KCNT2: variants seen among roughly 807,000 people sequenced by gnomAD.
KCNT2 encodes the protein potassium channel subfamily T member 2.
In KCNT2, 67 loss-of-function variants were observed where a neutral mutation model predicts 153.8. The observed-to-expected ratio is 0.44, with a 90% CI of 0.36 to 0.53. The LOEUF is 0.53. Among genes scored for constraint, KCNT2 ranks in the 20% least tolerant of loss-of-function variants. KCNT2 has a pLI of 0.00. For missense variants in KCNT2, 975 were observed against 1,354.8 expected (o/e 0.72, Z 4.40); for synonymous variants, 500 against 458.8 (o/e 1.09, Z -1.15).
chr1:196,311,889 A>G (rs751088751), intron 21 of KCNT2, among the ~76,000 whole-genome samples: 2 of 151,872 alleles, frequency 1.3e-5, no homozygotes, highest in Non-Finnish European at 2.9e-5. Flanking sequence ...AATTTGACAT[A>G]GACTTTTTAC....
chr1:196,366,567 T>C (rs79526215), intron 14 of KCNT2, among the ~76,000 whole-genome samples: 4,303 of 152,232 alleles, frequency 0.028, 203 homozygotes, highest in African/African-American at 0.097. Context: ...TGCATAATTA[T>C]TACTTTAATT....
intron 3 of KCNT2, among the ~76,000 whole-genome samples, chr1:196,488,754 C>T (rs1304453402): frequency 6.6e-6 from 1 of 151,968 alleles, no homozygotes; most frequent in African/African-American, 2.4e-5. Context: ...AGCATCATTT[C>T]ATTAATTCAG....
At chr1:196,256,336 A>G (rs565829830) in intron 26 of KCNT2, among the ~76,000 whole-genome samples, 1 of 152,148 alleles carries the variant, frequency 6.6e-6, no homozygotes, top group South Asian at 2.1e-4. Context: ...TCATGAAAAA[A>G]TTAAGCCAAA....
chr1:196,330,399 C>A (rs780974215), intron 18 of KCNT2, among the ~76,000 whole-genome samples: 6 of 151,716 alleles, frequency 4.0e-5, no homozygotes, highest in African/African-American at 7.3e-5. Context: ...AAGTTAGTTG[C>A]CCAAATTACA....
chr1:196,450,034 T>TA (rs942761127), intron 8 of KCNT2, among the ~76,000 whole-genome samples: 1 of 151,646 alleles, frequency 6.6e-6, no homozygotes, highest in African/African-American at 2.4e-5. Flanking sequence ...AAGTGGAAAA[T>TA]AAAAAAATAT....
intron 26 of KCNT2, chr1:196,257,689 C>T: frequency 1.0e-6 from 1 of 981,770 alleles, no homozygotes; most frequent in Non-Finnish European, 1.2e-6. Flanking sequence ...CAGATTGGCA[C>T]TATATGAGAT....
At position 196,273,025 on chromosome 1, in the gene KCNT2, C is replaced by G. The variant is rs140213564; in HGVS notation, c.2910+7835G>C. On this transcript the variant is annotated intron_variant, in intron 25 of 27. Coordinates refer to ENST00000294725, the MANE Select transcript of KCNT2 (RefSeq NM_198503.5). ...ACACCATGGTTAAGTAAAACATCTT[C>G]TGAAATAAATCAGTCTGAAATCTAT... 3.4e-3 allele frequency among the ~76,000 whole-genome samples: 516 copies of G among 151,902 alleles called. 4 individuals are homozygous for G. The highest frequency in any genetic ancestry group is 0.012 in the African/African-American group (499 of 41,508).
chr1:196,376,512 G>A (rs916084234), intron 13 of KCNT2, among the ~76,000 whole-genome samples: 1 of 151,548 alleles, frequency 6.6e-6, no homozygotes, highest in African/African-American at 2.4e-5. Flanking sequence ...ATATTTTCAT[G>A]TTGCAGAGAT....
intron 8 of KCNT2, among the ~76,000 whole-genome samples, chr1:196,447,065 A>G (rs1259783155): frequency 1.3e-5 from 2 of 151,600 alleles, no homozygotes; most frequent in Non-Finnish European, 3.0e-5. Context: ...AATTGAACTT[A>G]AAGTAAAATC....
chr1:196,346,047 G>A (rs1666113836), intron 14 of KCNT2, among the ~76,000 whole-genome samples: 1 of 151,964 alleles, frequency 6.6e-6, no homozygotes, highest in South Asian at 2.1e-4. Context: ...TTTAAATCTG[G>A]AATACTAGGT....
intron 25 of KCNT2, among the ~76,000 whole-genome samples, chr1:196,267,295 C>T (rs1998652): frequency 0.83 from 126,314 of 152,178 alleles, 53,574 homozygotes; most frequent in East Asian, 0.97. Flanking sequence ...AACTGCAAGG[C>T]TCCCCAGTGT....
At chr1:196,502,853 A>C (rs910851167) in intron 1 of KCNT2, among the ~76,000 whole-genome samples, 6 of 152,176 alleles carry the variant, frequency 3.9e-5, no homozygotes, top group Admixed American at 3.3e-4. Flanking sequence ...ATTTGATTTA[A>C]ATGTAAGCAT....
rs990576111 is a variant in KCNT2, at chr1:196,460,179, A to G, written c.638+5114T>C. Among the ~76,000 whole-genome samples, 16 of 151,848 alleles carry G rather than the reference A, an allele frequency of 1.1e-4. 1 individual carries two copies. On this transcript the variant is annotated intron_variant, in intron 8 of 27. Transcript: ENST00000294725. ...TCATTTCTATAAGGTATGTGCGTGT[A>G]ATTTACAAAAATTATATCCAAGGGT...
At chr1:196,572,613 T>C (rs1368224065) in intron 1 of KCNT2, among the ~76,000 whole-genome samples, 1 of 152,100 alleles carries the variant, frequency 6.6e-6, no homozygotes, top group African/African-American at 2.4e-5. Context: ...GTCATCATTA[T>C]CATGGAATGC....
chr1:196,442,464 A>G (rs891113938), intron 8 of KCNT2, among the ~76,000 whole-genome samples: 3 of 151,812 alleles, frequency 2.0e-5, no homozygotes, highest in Non-Finnish European at 4.4e-5. Context: ...AGTTTAGTGG[A>G]AGAGATAGAA....
chr1:196,288,017 A>G (rs1351651147), intron 22 of KCNT2, among the ~76,000 whole-genome samples: 1 of 152,118 alleles, frequency 6.6e-6, no homozygotes, highest in African/African-American at 2.4e-5. Context: ...GAGCTGAATT[A>G]GAGGTGATGT....
At chr1:196,259,709 T>A (rs529883760) in intron 25 of KCNT2, 1 of 152,104 alleles carries the variant, frequency 6.6e-6, no homozygotes. Context: ...TCTCTCACAC[T>A]TAATTTCATC....
intron 11 of KCNT2, 108 bp downstream of exon 11, chr1:196,425,744 T>C (rs1673602784): frequency 2.7e-6 from 3 of 1,109,902 alleles, no homozygotes; most frequent in Non-Finnish European, 2.7e-6. Context: ...TACTCAAACA[T>C]ACTTTAACAC....
At chr1:196,311,437 A>G (rs1662169416) in intron 21 of KCNT2, among the ~76,000 whole-genome samples, 3 of 151,888 alleles carry the variant, frequency 2.0e-5, no homozygotes, top group Admixed American at 6.6e-5. Flanking sequence ...TTCCAACCAG[A>G]TAACAATCCA....
Sources: gnomAD v4.1 joint callset for allele counts (sites outside exome capture counted in the v4.1 genomes callset) on GRCh38, gnomAD v4.1.1 for gene constraint, MANE v1.5 for transcripts, NCBI Gene and HGNC (gene_info 2026-07-23, HGNC 2026-07-21) for gene names.